The following CDKAL1 variants were observed in gnomAD, a reference collection of about 807,000 sequenced individuals.
CDKAL1 encodes the protein threonylcarbamoyladenosine tRNA methylthiotransferase.
CDKAL1 carries 32 observed loss-of-function variants against 68.2 expected under a neutral mutation model. The ratio of observed to expected loss-of-function variants is 0.47; its 90% CI spans 0.35 to 0.63. CDKAL1 has a LOEUF of 0.63. Among genes scored for constraint, CDKAL1 ranks in the 30% least tolerant of loss-of-function variants. CDKAL1 has a pLI of 0.00. For synonymous variants in CDKAL1, 234 were observed against 244.3 expected (o/e 0.96, Z 0.39); for missense variants, 606 against 696.7 (o/e 0.87, Z 1.47).
chr6:21,186,838 AAAC>A (rs1778034594), intron 13 of CDKAL1, among the ~76,000 whole-genome samples: 1 of 152,210 alleles, frequency 6.6e-6, no homozygotes, highest in South Asian at 2.1e-4. Context: ...AAATTTTTAA[AAAC>A]AACATCATAA....
At chr6:20,609,605 A>T (rs1176933776) in intron 4 of CDKAL1, among the ~76,000 whole-genome samples, 1 of 151,872 alleles carries the variant, frequency 6.6e-6, no homozygotes, top group East Asian at 1.9e-4. Context: ...CATGTTGTTC[A>T]GGCTGGTCTC....
intron 9 of CDKAL1, among the ~76,000 whole-genome samples, chr6:20,877,556 C>T (rs556691334): frequency 1.3e-5 from 2 of 152,278 alleles, no homozygotes; most frequent in African/African-American, 4.8e-5. Flanking sequence ...ACTAGTGACT[C>T]ACTGTGTATT....
chr6:20,946,805 C>A (rs1254623596), intron 9 of CDKAL1, among the ~76,000 whole-genome samples: 2 of 152,066 alleles, frequency 1.3e-5, no homozygotes, highest in African/African-American at 4.8e-5. Context: ...CCATGTTGGT[C>A]AGGCTGGTCT....
At chr6:20,809,307 A>G (rs1050822028) in intron 8 of CDKAL1, among the ~76,000 whole-genome samples, 1 of 152,170 alleles carries the variant, frequency 6.6e-6, no homozygotes, top group Non-Finnish European at 1.5e-5. Context: ...GCGTTTCTTC[A>G]CTTAATATGT....
intron 8 of CDKAL1, among the ~76,000 whole-genome samples, chr6:20,810,410 A>T (rs1453880596): frequency 2.8e-5 from 3 of 108,144 alleles, no homozygotes; most frequent in Admixed American, 8.5e-5. Flanking sequence ...ACACACACAC[A>T]CACACACACA....
intron 4 of CDKAL1, chr6:20,558,735 A>T: frequency 2.6e-6 from 1 of 378,872 alleles, no homozygotes; most frequent in Non-Finnish European, 5.3e-6. Flanking sequence ...TGTAGAAGAT[A>T]AGCAGCAATT....
chr6:20,751,922 A>G (rs1272394387), intron 6 of CDKAL1, among the ~76,000 whole-genome samples: 1 of 152,142 alleles, frequency 6.6e-6, no homozygotes, highest in Non-Finnish European at 1.5e-5. Flanking sequence ...ATTAAGAACA[A>G]CTTTCCTTTT....
chr6:20,915,835 G>A (rs1236844421), intron 9 of CDKAL1, among the ~76,000 whole-genome samples: 1 of 152,072 alleles, frequency 6.6e-6, no homozygotes, highest in Non-Finnish European at 1.5e-5. Context: ...TAAACAACCT[G>A]TGGTATATCC....
At chr6:21,037,584 A>C (rs780904662) in intron 11 of CDKAL1, among the ~76,000 whole-genome samples, 5 of 152,198 alleles carry the variant, frequency 3.3e-5, no homozygotes, top group Non-Finnish European at 7.3e-5. Flanking sequence ...GCTGTGGAAC[A>C]TGGTGGTGCC....
At chr6:21,011,942 A>G (rs1203894917) in intron 11 of CDKAL1, among the ~76,000 whole-genome samples, 2 of 151,884 alleles carry the variant, frequency 1.3e-5, no homozygotes, top group Admixed American at 1.3e-4. Context: ...AAAATATGGC[A>G]TAAAAAAAAA....
At chr6:20,856,417 TC>T (rs1759341717) in intron 9 of CDKAL1, among the ~76,000 whole-genome samples, 1 of 152,234 alleles carries the variant, frequency 6.6e-6, no homozygotes, top group South Asian at 2.1e-4. Flanking sequence ...CAGCTGCTGT[TC>T]CAGCACAATT....
At chr6:21,154,992 AC>A (rs796921012) in intron 13 of CDKAL1, among the ~76,000 whole-genome samples, 1 of 116,006 alleles carries the variant, frequency 8.6e-6, no homozygotes, top group East Asian at 2.7e-4. Context: ...TCCGTCCCCC[AC>A]CCCCCCCAAA....
At chr6:20,535,211 C>G (rs1385239286) in intron 1 of CDKAL1, 140 bp from the exon 2 acceptor site, 1 of 152,344 alleles carries the variant, frequency 6.6e-6, no homozygotes, top group Non-Finnish European at 1.5e-5. Context: ...TAAGAAGTTA[C>G]AAGTAGTATG....
intron 9 of CDKAL1, among the ~76,000 whole-genome samples, chr6:20,912,120 ATC>A (rs771132779): frequency 4.6e-5 from 7 of 151,954 alleles, no homozygotes; most frequent in Non-Finnish European, 1.0e-4. Context: ...GCATGAAGAA[ATC>A]TCTATTTCTG....
chr6:21,202,720 G>A (rs1234423113), intron 15 of CDKAL1, among the ~76,000 whole-genome samples: 2 of 152,144 alleles, frequency 1.3e-5, no homozygotes, highest in African/African-American at 4.8e-5. Flanking sequence ...CATCACCATT[G>A]ATAATACATA....
chr6:20,977,500 T>C (rs1032854413), intron 10 of CDKAL1, among the ~76,000 whole-genome samples: 1 of 152,198 alleles, frequency 6.6e-6, no homozygotes, highest in Non-Finnish European at 1.5e-5. Context: ...TCTTTGGAAG[T>C]AGAAGTGATG....
Position 20,549,669 on chromosome 6 carries a change from C to T in CDKAL1, c.286+964C>T, listed in dbSNP as rs569242327. On this transcript the variant is annotated intron_variant, in intron 4 of 15. Transcript: ENST00000274695. ...TGCCCCATTCTGGAGTGCAGTGGCACGATCTCAGCTCACTGCATCCTCTGC... is the reference window on the plus strand; with the variant it reads ...TGCCCCATTCTGGAGTGCAGTGGCATGATCTCAGCTCACTGCATCCTCTGC... Among the ~76,000 whole-genome samples, 16 of 151,904 alleles carry T rather than the reference C, an allele frequency of 1.1e-4. No individual in the cohort carries two copies. The South Asian group carries it at 1.2e-3, about 12-fold the overall frequency.
At chr6:20,720,892 T>G (rs1224614732) in intron 5 of CDKAL1, among the ~76,000 whole-genome samples, 2 of 152,254 alleles carry the variant, frequency 1.3e-5, no homozygotes, top group Non-Finnish European at 2.9e-5. Context: ...TTATTTCACT[T>G]GAGATAATGA....
At chr6:20,862,635 T>TTGTG (rs56736298) in intron 9 of CDKAL1, among the ~76,000 whole-genome samples, 10,558 of 149,146 alleles carry the variant, frequency 0.071, 427 homozygotes, top group Non-Finnish European at 0.084. Flanking sequence ...TCTTTCCAAC[T>TTGTG]TGTGTGTGTG....
Sources: gnomAD v4.1 joint callset for allele counts (sites outside exome capture counted in the v4.1 genomes callset) on GRCh38, gnomAD v4.1.1 for gene constraint, MANE v1.5 for transcripts, NCBI Gene and HGNC (gene_info 2026-07-23, HGNC 2026-07-21) for gene names.